Variants in SPHK2 observed in about 807,000 individuals in gnomAD.
SPHK2 encodes sphingosine kinase 2.
In SPHK2, 18 loss-of-function variants were observed where a neutral mutation model predicts 32.3. The ratio of observed to expected loss-of-function variants is 0.56; its 90% CI spans 0.39 to 0.83. The LOEUF is 0.83. SPHK2 is among the 40% of genes least tolerant of loss of function. The pLI, the probability that SPHK2 is intolerant of heterozygous loss-of-function variation, is 0.00. For missense variants in SPHK2, 850 were observed against 908.7 expected, an observed-to-expected ratio of 0.94 and a Z score of 0.83; for synonymous variants, 462 against 417.6, an observed-to-expected ratio of 1.11 and a Z score of -1.30.
At chr19:48,627,206 T>C (rs1043586419) in intron 3 of SPHK2, among the ~76,000 whole-genome samples, 1 of 152,254 alleles carries the variant, frequency 6.6e-6, no homozygotes, top group African/African-American at 2.4e-5. Flanking sequence ...GCTAGATTTA[T>C]GTTTCTGTCT....
At position 48,629,740 on chromosome 19, in the gene SPHK2, T is replaced by TG; in HGVS notation, c.1935dup (p.Pro646AlafsTer71). ...ACCCTGGCATCGGTACACTGCTCAC[T>TG]GGGCCTCCTGGCTGCCCGGGGCGGG... On this transcript the variant is annotated frameshift_variant, in exon 7 of 7. Transcript: ENST00000245222. LOFTEE classifies it high-confidence loss of function. The TG allele has an allele frequency of 6.3e-7, 1 of 1,588,764 alleles. No homozygotes were observed. Among genetic ancestry groups the TG allele is most frequent in the Non-Finnish European group, 8.6e-7 (1 of 1,164,354 alleles).
Position 48,629,386 on chromosome 19 carries a change from G to C in SPHK2, c.1578G>C (p.Pro526=), listed in dbSNP as rs748364986. The C allele has an allele frequency of 1.2e-6, 2 of 1,611,610 alleles. No individual in the cohort carries two copies. Among genetic ancestry groups the C allele is most frequent in the Middle Eastern group, 3.3e-4 (2 of 6,056 alleles). ...PDHLLPPLGT[P]LPPDWVTLEG... The stretch of plus-strand genomic sequence containing the variant: ...ACCTGCTGCCTCCGCTGGGCACCCC[G>C]CTGCCCCCAGACTGGGTGACGCTGG... The change falls in exon 7 of 7, where the codon CCG becomes CCC. Residue 526 remains proline, a synonymous_variant. Coordinates refer to ENST00000245222, the MANE Select transcript of SPHK2 (RefSeq NM_020126.5).
Position 48,626,237 on chromosome 19 carries a change from G to T in SPHK2, c.386G>T (p.Arg129Leu). The T allele has an allele frequency of 6.3e-7, 1 of 1,596,226 alleles. No homozygotes were observed. The highest frequency in any genetic ancestry group is 8.5e-7 in the Non-Finnish European group (1 of 1,177,660). Reference sequence around the variant, plus strand: ...CCTCGGGGCCGGCGCGGGGCCCGGCGCAGAGCCACTCGCACCTTCCGGGCA... The same window carrying T: ...CCTCGGGGCCGGCGCGGGGCCCGGCTCAGAGCCACTCGCACCTTCCGGGCA... The part of the protein sequence containing the change: ...TYPRGRRGAR[R>L]RATRTFRADG... Residue 129 changes from arginine (R) to leucine (L), a missense_variant, in exon 3 of 7, where the codon CGC becomes CTC. Around this residue, in one of 2 missense-constraint regions of SPHK2, gnomAD observed 544 missense variants for 640.0 expected, o/e 0.85. Coordinates refer to ENST00000245222, the MANE Select transcript of SPHK2 (RefSeq NM_020126.5).
Position 48,627,973 on chromosome 19 carries a change from A to G in SPHK2, c.662-2A>G, listed in dbSNP as rs763821955. The G allele has an allele frequency of 1.9e-6, 3 of 1,577,686 alleles. No homozygotes were observed. Among genetic ancestry groups the G allele is most frequent in the Non-Finnish European group, 2.6e-6 (3 of 1,159,470 alleles). ...GCCTAACAGCCCGGTATCCCACTTC[A>G]GAACGACAGAACCACGCCCGGGAGC... On this transcript the variant is annotated splice_acceptor_variant, in intron 4 of 6. Transcript: ENST00000245222. LOFTEE classifies it high-confidence loss of function.
In SPHK2 at chr19:48,628,055, G is replaced by A. The variant is rs900261772; in HGVS notation, c.742G>A (p.Gly248Arg). The change falls in exon 5 of 7, where the codon GGG (glycine) becomes AGG (arginine). Residue 248 changes from glycine to arginine, a missense_variant. By Grantham distance (125) the Gly-to-Arg change is moderately radical. This residue lies in a region of SPHK2 where 544 missense variants were observed against 640.0 expected (regional missense o/e 0.85). Transcript: ENST00000245222. The surrounding 1 kb of genome is among the most constrained non-coding windows in gnomAD (Gnocchi z 5.2). ...TGGCATCGTCACGGTCTCGGGAGAC[G>A]GGCTGCTCCATGAGGTAGAGCAGGA... The part of the protein sequence containing the change: ...WDGIVTVSGD[G>R]LLHEVLNGLL... 1.1e-5 allele frequency: 18 copies of A among 1,591,998 alleles called. No individual in the cohort carries two copies. The highest frequency in any genetic ancestry group is 1.5e-5 in the Non-Finnish European group (18 of 1,165,456).
At chr19:48,627,599 T>C in intron 3 of SPHK2, 93 bp from the exon 4 acceptor site, 1 of 1,445,818 alleles carries the variant, frequency 6.9e-7, no homozygotes, top group Non-Finnish European at 9.3e-7. Flanking sequence ...GGGCCAGCCC[T>C]CCACCAATTC....
In SPHK2 at chr19:48,628,054, C is replaced by T. The variant is rs768473899; in HGVS notation, c.741C>T (p.Asp247=). 1.8e-5 allele frequency: 29 copies of T among 1,591,308 alleles called. No homozygotes were observed. Among genetic ancestry groups the T allele is most frequent in the Middle Eastern group, 1.7e-4 (1 of 5,988 alleles). Residue 247 remains aspartate, a synonymous_variant, in exon 5 of 7, where the codon GAC becomes GAT. Transcript: ENST00000245222. This position sits in a 1 kb window ranked among gnomAD's most constrained non-coding sequence, Gnocchi z 5.2. ...ATGGCATCGTCACGGTCTCGGGAGA[C>T]GGGCTGCTCCATGAGGTAGAGCAGG... The part of the protein sequence containing the change: ...EWDGIVTVSG[D]GLLHEVLNGL...
Position 48,620,424 on chromosome 19 carries a change from G to A in SPHK2, c.-91G>A. 8.5e-7 allele frequency: 1 copy of A among 1,170,066 alleles called. No individual in the cohort carries two copies. The highest frequency in any genetic ancestry group is 1.2e-6 in the Non-Finnish European group (1 of 802,170). 72.5% of individuals were successfully genotyped at this position (1,170,066 alleles called of 1,614,324 possible). ...CAGAGCTGAAGGTCAGGCCAGGACA[G>A]TGAGACCTGACTCCTTGCTCCTACC... On this transcript the variant is annotated 5_prime_UTR_variant, in exon 2 of 7. It adds an upstream start codon to the 5' untranslated region. Coordinates refer to ENST00000245222, the MANE Select transcript of SPHK2 (RefSeq NM_020126.5).
At chr19:48,625,868 C>G in intron 2 of SPHK2, 23 bp from the exon 3 acceptor site, 1 of 1,607,530 alleles carries the variant, frequency 6.2e-7, no homozygotes, top group South Asian at 1.1e-5. Context: ...AATTCTCACC[C>G]CTTCTCTCCT....
intron 2 of SPHK2, chr19:48,625,025 CCTCAGTCCTGCTCCCACCCG>C (rs1251467143): frequency 1.0e-6 from 1 of 988,472 alleles, no homozygotes; most frequent in Admixed American, 6.0e-5. Flanking sequence ...GGGGAAGGGA[CCTCAGTCCTGCTCCCACCCG>C]CTCCCTGGAG....
chr19:48,622,344 T>G (rs974566197), intron 2 of SPHK2, among the ~76,000 whole-genome samples: 1 of 152,156 alleles, frequency 6.6e-6, no homozygotes, highest in African/African-American at 2.4e-5. Flanking sequence ...ACAACTGAGT[T>G]TTTGCTTACA....
intron 2 of SPHK2, chr19:48,624,025 G>A (rs1336174782): frequency 6.6e-6 from 1 of 152,166 alleles, no homozygotes; most frequent in Admixed American, 6.6e-5. Context: ...CCTTTGTTAC[G>A]CGTGTTAGAG....
In SPHK2 at chr19:48,629,848, G is replaced by GC; in HGVS notation, c.*77dup. 4.0e-6 allele frequency: 6 copies of GC among 1,486,776 alleles called. No homozygotes were observed. Among genetic ancestry groups the GC allele is most frequent in the Non-Finnish European group, 5.4e-6 (6 of 1,118,892 alleles). The allele number at this position is 1,486,776 out of a possible 1,614,324, so 92.1% of individuals were successfully genotyped here. ...GGCGGAGCCTGAGCTAGGGGGTGTG[G>GC]CCTGGCTGCTAGAGTTGTGGTGGCA... is the stretch of plus-strand genomic sequence containing the variant. On this transcript the variant is annotated 3_prime_UTR_variant, in exon 7 of 7. Transcript: ENST00000245222.
At chr19:48,626,534 A>G (rs4801770) in intron 3 of SPHK2, 172 bp downstream of exon 3, 142,737 of 866,872 alleles carry the variant, frequency 0.16, 17,608 homozygotes, top group African/African-American at 0.5. Context: ...AGACAAGAGG[A>G]CCGGATGTGG....
At chr19:48,620,082 C>A (rs568491947) in intron 1 of SPHK2, among the ~76,000 whole-genome samples, 1 of 151,272 alleles carries the variant, frequency 6.6e-6, no homozygotes, top group East Asian at 2.0e-4. Flanking sequence ...GGGCCTTACT[C>A]TCCTTATGGA....
rs555350723 is a variant in SPHK2 at position 48,630,115 on chromosome 19, C to T, written c.*342C>T. ...AGGGCGGAGTCTATTTTACGCGTCG[C>T]CCAATGACAGGACCTGGAATGTACT... On this transcript the variant is annotated 3_prime_UTR_variant, in exon 7 of 7. Coordinates refer to ENST00000245222, the MANE Select transcript of SPHK2 (RefSeq NM_020126.5). The surrounding 1 kb of genome is among the most constrained non-coding windows in gnomAD (Gnocchi z 4.9). The T allele has an allele frequency of 8.0e-6, 10 of 1,257,408 alleles. No individual in the cohort carries two copies. In the East Asian group the frequency reaches 3.2e-4, roughly 40 times the overall value. The allele number at this position is 1,257,408 out of a possible 1,614,324, so 77.9% of individuals were successfully genotyped here.
At position 48,629,486 on chromosome 19, in the gene SPHK2, C is replaced by T. The variant is rs1183064146; in HGVS notation, c.1678C>T (p.Arg560Cys). Residue 560 changes from arginine to cysteine, a missense_variant, in exon 7 of 7, where the codon CGC becomes TGC. By Grantham distance (180) the Arg-to-Cys change is radical. Coordinates refer to ENST00000245222, the MANE Select transcript of SPHK2 (RefSeq NM_020126.5). ...GADLVAAPHA[R>C]FDDGLVHLCW... ...TGACCTGGTGGCAGCTCCGCATGCG[C>T]GCTTCGACGACGGCCTGGTGCACCT... 3 of 1,607,600 alleles carry T rather than the reference C, an allele frequency of 1.9e-6. No homozygotes were observed. In the East Asian group the frequency reaches 6.7e-5, roughly 36 times the overall value.
rs1461755986 is a variant in SPHK2 at position 48,626,041 on chromosome 19, C to G, written c.190C>G (p.Arg64Gly). ...EFGSYPARGP[R>G]FALTLTSQAL... ...TGGCTCCTACCCAGCCCGAGGCCCA[C>G]GCTTTGCCCTCACCCTTACATCGCA... Residue 64 changes from arginine (R) to glycine (G), a missense_variant, in exon 3 of 7, where the codon CGC becomes GGC. Physicochemically the swap from Arg to Gly is moderately radical, Grantham distance 125 (BLOSUM62 -2). Coordinates refer to ENST00000245222, the MANE Select transcript of SPHK2 (RefSeq NM_020126.5). 6 of 1,613,456 alleles carry G rather than the reference C, an allele frequency of 3.7e-6. No individual in the cohort carries two copies. The highest frequency in any genetic ancestry group is 5.1e-6 in the Non-Finnish European group (6 of 1,179,900).
Position 48,630,035 on chromosome 19 carries a change from G to A in SPHK2, c.*262G>A. ...CGTCTGATCTGGGGCCGCCCTTACG[G>A]GGCAGGGCTCAGTCCTGACGCTTGC... On this transcript the variant is annotated 3_prime_UTR_variant, in exon 7 of 7. Coordinates refer to ENST00000245222, the MANE Select transcript of SPHK2 (RefSeq NM_020126.5). The surrounding 1 kb of genome is among the most constrained non-coding windows in gnomAD (Gnocchi z 4.9). The A allele has an allele frequency of 7.5e-7, 1 of 1,340,336 alleles. No individual in the cohort carries two copies. The highest frequency in any genetic ancestry group is 9.5e-7 in the Non-Finnish European group (1 of 1,047,946). 83.0% of individuals were successfully genotyped at this position (1,340,336 alleles called of 1,614,324 possible). A position where few individuals can be genotyped will look rare whatever the true frequency, so the allele number is the denominator to read the frequency against.
Sources: gnomAD v4.1 joint callset for allele counts (sites outside exome capture counted in the v4.1 genomes callset) on GRCh38, gnomAD v4.1.1 for gene constraint, gnomAD v4.1.1 regional missense constraint, Gnocchi (gnomAD v3.1) non-coding constraint, MANE v1.5 for transcripts, NCBI Gene and HGNC (gene_info 2026-07-23, HGNC 2026-07-21) for gene names.